PREX1: variants seen among roughly 807,000 people sequenced by gnomAD.
The protein encoded by PREX1 is phosphatidylinositol-3,4,5-trisphosphate dependent Rac exchange factor 1.
PREX1 carries 41 observed loss-of-function variants against 198.3 expected under a neutral mutation model. The observed-to-expected ratio is 0.21, with a 90% CI of 0.16 to 0.27. The LOEUF (loss-of-function observed/expected upper bound fraction) is 0.27. Ranked by LOEUF, PREX1 falls within the 10% of genes least tolerant of loss-of-function variation. PREX1 has a pLI of 1.00. For missense variants in PREX1, 1,620 were observed against 2,200.7 expected (o/e 0.74, Z 5.28); for synonymous variants, 843 against 887.2 (o/e 0.95, Z 0.89).
intron 16 of PREX1, among the ~76,000 whole-genome samples, chr20:48,658,497 A>G (rs1480600604): frequency 6.6e-6 from 1 of 152,076 alleles, no homozygotes; most frequent in Non-Finnish European, 1.5e-5. Flanking sequence ...GAGCGGTCCC[A>G]CCCCAGGGCA....
intron 1 of PREX1, among the ~76,000 whole-genome samples, chr20:48,807,713 A>T (rs776506772): frequency 6.6e-6 from 1 of 152,196 alleles, no homozygotes; most frequent in African/African-American, 2.4e-5. Flanking sequence ...GTCCTCTGGG[A>T]CTGCTTGCTT....
At chr20:48,703,172 C>T (rs1371197038) in intron 6 of PREX1, among the ~76,000 whole-genome samples, 24 of 152,318 alleles carry the variant, frequency 1.6e-4, no homozygotes, top group Admixed American at 1.3e-3. Context: ...GGGGCTCTCT[C>T]GCTGCTGTTA....
the PREX1 span, among the ~76,000 whole-genome samples, chr20:48,875,472 G>A: frequency 6.6e-6 from 1 of 152,164 alleles, no homozygotes; most frequent in Admixed American, 6.5e-5. Context: ...CCACAAGCTG[G>A]TGCCAGAGTG....
At chr20:48,657,975 C>G (rs1353050943) in intron 17 of PREX1, among the ~76,000 whole-genome samples, 161 bp downstream of exon 17, 1 of 152,216 alleles carries the variant, frequency 6.6e-6, no homozygotes, top group African/African-American at 2.4e-5. Context: ...CCACTGCAGA[C>G]AGTGGGTCCT....
chr20:48,707,424 C>T (rs183450543), intron 6 of PREX1, among the ~76,000 whole-genome samples: 3 of 152,278 alleles, frequency 2.0e-5, no homozygotes, highest in East Asian at 1.9e-4. Flanking sequence ...CAGCCAAACC[C>T]GTAACCTCAC....
chr20:48,626,538 G>A (rs2122793235), intron 39 of PREX1, among the ~76,000 whole-genome samples: 1 of 152,368 alleles, frequency 6.6e-6, no homozygotes, highest in Non-Finnish European at 1.5e-5. Context: ...TCACAGGGCA[G>A]CTGTTTGGAT....
chr20:48,877,632 C>G, the PREX1 span, among the ~76,000 whole-genome samples: 17 of 152,346 alleles, frequency 1.1e-4, no homozygotes, highest in Middle Eastern at 3.4e-3. Context: ...GTGTAGGCCC[C>G]ATGTCCATTT....
chr20:48,658,296 C>T, intron 16 of PREX1, 68 bp from the exon 17 acceptor site: 4 of 1,506,436 alleles, frequency 2.7e-6, no homozygotes, highest in Non-Finnish European at 3.7e-6. Flanking sequence ...CCCACCGTGG[C>T]CCCCACAGGA....
At chr20:48,722,946 C>A (rs998905259) in intron 5 of PREX1, among the ~76,000 whole-genome samples, 1 of 152,246 alleles carries the variant, frequency 6.6e-6, no homozygotes, top group African/African-American at 2.4e-5. Flanking sequence ...TCAGGCCCCC[C>A]ACCGGCACCA....
intron 1 of PREX1, among the ~76,000 whole-genome samples, chr20:48,775,413 AGGTAAGCCATGG>A (rs2090256601): frequency 6.6e-6 from 1 of 152,046 alleles, no homozygotes; most frequent in Non-Finnish European, 1.5e-5. Context: ...TGAGGTAAGG[AGGTAAGCCATGG>A]GTTACCAAGG....
intron 17 of PREX1, among the ~76,000 whole-genome samples, chr20:48,657,829 G>C (rs181093674): frequency 3.9e-4 from 59 of 152,332 alleles, no homozygotes; most frequent in African/African-American, 1.4e-3. Context: ...TCTTATTCAA[G>C]CCACTGTGAC....
chr20:48,838,130 G>A, the PREX1 span, among the ~76,000 whole-genome samples: 16 of 152,296 alleles, frequency 1.1e-4, no homozygotes, highest in South Asian at 6.2e-4. Context: ...TTTCCTCTCC[G>A]GTTGGGAGGG....
intron 5 of PREX1, among the ~76,000 whole-genome samples, chr20:48,715,488 G>A (rs1042292213): frequency 6.6e-6 from 1 of 152,142 alleles, no homozygotes; most frequent in African/African-American, 2.4e-5. Context: ...TGGGAAAAGG[G>A]AGGCATGGTC....
intron 33 of PREX1, 35 bp from the exon 34 acceptor site, chr20:48,632,674 C>A: frequency 6.2e-7 from 1 of 1,611,128 alleles, no homozygotes; most frequent in South Asian, 1.1e-5. Context: ...GACTCACCAC[C>A]GAGGCCAAGG....
intron 3 of PREX1, among the ~76,000 whole-genome samples, chr20:48,740,887 CG>C (rs2122749315): frequency 6.6e-6 from 1 of 152,278 alleles, no homozygotes; most frequent in South Asian, 2.1e-4. Flanking sequence ...GCGGTAATAC[CG>C]TTTGGTTTCT....
chr20:48,817,456 C>G (rs1031393283), intron 1 of PREX1, among the ~76,000 whole-genome samples: 1 of 152,214 alleles, frequency 6.6e-6, no homozygotes, highest in African/African-American at 2.4e-5. Context: ...AATAACCTCA[C>G]TAATTACTGG....
intron 19 of PREX1, among the ~76,000 whole-genome samples, chr20:48,654,830 T>C (rs574509102): frequency 6.6e-6 from 1 of 152,332 alleles, no homozygotes; most frequent in South Asian, 2.1e-4. Context: ...ACGCCTTTAA[T>C]AGCACACAAG....
chr20:48,624,467 G>A lies in PREX1; in HGVS notation c.*1418C>T, dbSNP rs1410204013. The A allele has an allele frequency of 2.0e-5, 3 of 152,736 alleles. No individual in the cohort carries two copies. The highest frequency in any genetic ancestry group is 2.1e-4 in the South Asian group (1 of 4,830). The allele number at this position is 152,736 out of a possible 1,614,324, so 9.5% of individuals were successfully genotyped here. On this transcript the variant is annotated 3_prime_UTR_variant, in exon 40 of 40. Coordinates refer to ENST00000371941, the MANE Select transcript of PREX1 (RefSeq NM_020820.4). ...CCCTCGTGTATGCTGCGGCAAGAGA[G>A]GGAAGCGCACCCTGGAGGGCGGGAG...
intron 7 of PREX1, among the ~76,000 whole-genome samples, chr20:48,695,745 ACTGT>A (rs376488406): frequency 7.6e-4 from 116 of 152,196 alleles, no homozygotes; most frequent in African/African-American, 2.2e-3. Flanking sequence ...TTTTTGTTGA[ACTGT>A]CTGTCTTTTT....
Sources: gnomAD v4.1 joint callset for allele counts (sites outside exome capture counted in the v4.1 genomes callset) on GRCh38, gnomAD v4.1.1 for gene constraint, MANE v1.5 for transcripts, NCBI Gene and HGNC (gene_info 2026-07-23, HGNC 2026-07-21) for gene names.